Variants in PNLIPRP3 observed in about 807,000 individuals in gnomAD.
PNLIPRP3 encodes pancreatic lipase-related protein 3.
PNLIPRP3 carries 58 observed loss-of-function variants against 52.8 expected under a neutral mutation model. That is an observed-to-expected ratio of 1.10 (90% CI 0.89 to 1.37). PNLIPRP3 has a LOEUF of 1.37. Among genes scored for constraint, PNLIPRP3 ranks in the 40% most tolerant of loss-of-function variants. PNLIPRP3 has a pLI of 0.00. For synonymous variants in PNLIPRP3, 192 were observed against 185.0 expected (o/e 1.04, Z -0.31); for missense variants, 593 against 561.6 (o/e 1.06, Z -0.57).
At chr10:116,473,872 C>T (rs545737284) in intron 10 of PNLIPRP3, among the ~76,000 whole-genome samples, 6 of 138,736 alleles carry the variant, frequency 4.3e-5, no homozygotes, top group Non-Finnish European at 9.1e-5. Context: ...TTTATAGATT[C>T]AATGCTATCT....
intron 5 of PNLIPRP3, among the ~76,000 whole-genome samples, chr10:116,460,677 C>A (rs532355825): frequency 6.6e-6 from 1 of 151,994 alleles, no homozygotes; most frequent in South Asian, 2.1e-4. Flanking sequence ...TAATTCATAA[C>A]CTTATTGTAT....
intron 1 of PNLIPRP3, among the ~76,000 whole-genome samples, chr10:116,433,274 G>A (rs1845733552): frequency 6.6e-6 from 1 of 151,340 alleles, no homozygotes; most frequent in South Asian, 2.1e-4. Flanking sequence ...CAAAAATATA[G>A]ACAACAAATT....
intron 3 of PNLIPRP3, 106 bp from the exon 4 acceptor site, chr10:116,444,276 C>A: frequency 1.0e-6 from 1 of 969,652 alleles, no homozygotes. Flanking sequence ...AAAGTCTAAC[C>A]ATATCAACCT....
intron 2 of PNLIPRP3, chr10:116,440,078 T>C (rs759352386): frequency 4.3e-6 from 3 of 697,828 alleles, no homozygotes; most frequent in Non-Finnish European, 7.7e-6. Flanking sequence ...AGATCAACTT[T>C]TTTTTAAGTG....
At chr10:116,471,237 C>G (rs1023500324) in intron 9 of PNLIPRP3, among the ~76,000 whole-genome samples, 1 of 152,126 alleles carries the variant, frequency 6.6e-6, no homozygotes, top group Non-Finnish European at 1.5e-5. Flanking sequence ...CTGACAGATA[C>G]TATATTGATC....
Position 116,444,470 on chromosome 10 carries a change from G to C in PNLIPRP3, c.413G>C (p.Arg138Pro), listed in dbSNP as rs1254572802. The change falls in exon 4 of 12, where the codon CGT becomes CCT. Residue 138 changes from arginine to proline, a missense_variant. Transcript: ENST00000369230. ...TACATCCATGCTGTAAACAATCTCCGTGTTGTTGGTGCTGAGGTGGCTTAT... is the reference window on the plus strand; with the variant it reads ...TACATCCATGCTGTAAACAATCTCCCTGTTGTTGGTGCTGAGGTGGCTTAT... ...REYIHAVNNL[R>P]VVGAEVAYFI... The C allele has an allele frequency of 1.2e-6, 2 of 1,613,660 alleles. No individual in the cohort carries two copies. Among genetic ancestry groups the C allele is most frequent in the South Asian group, 1.1e-5 (1 of 91,042 alleles).
intron 9 of PNLIPRP3, among the ~76,000 whole-genome samples, chr10:116,470,620 C>T (rs1846354372): frequency 6.6e-6 from 1 of 151,838 alleles, no homozygotes. Flanking sequence ...TGCCATTCTC[C>T]TGCCTCAGCC....
At chr10:116,453,158 C>T (rs1315881632) in intron 4 of PNLIPRP3, among the ~76,000 whole-genome samples, 1 of 152,196 alleles carries the variant, frequency 6.6e-6, no homozygotes, top group Admixed American at 6.5e-5. Flanking sequence ...TATGTTGGAT[C>T]TTTAAGATTT....
Position 116,477,630 on chromosome 10 carries a change from C to T in PNLIPRP3, c.*477C>T, listed in dbSNP as rs561523214. On this transcript the variant is annotated 3_prime_UTR_variant, in exon 12 of 12. Transcript: ENST00000369230. ...TGCATGATATATAGTAGATTATAAC[C>T]TTGTGGGTTGATGTGTCTATCTAGT... is the stretch of plus-strand genomic sequence containing the variant. 6.6e-6 allele frequency: 1 copy of T among 152,400 alleles called. No individual in the cohort carries two copies. The highest frequency in any genetic ancestry group is 1.9e-4 in the East Asian group (1 of 5,174). The allele number at this position is 152,400 out of a possible 1,614,324, so 9.4% of individuals were successfully genotyped here.
At chr10:116,440,733 C>T (rs920677138) in intron 2 of PNLIPRP3, among the ~76,000 whole-genome samples, 3 of 152,222 alleles carry the variant, frequency 2.0e-5, no homozygotes, top group African/African-American at 2.4e-5. Context: ...TAAAACCAAC[C>T]GACTTCCCCC....
chr10:116,446,215 G>T (rs770995716), intron 4 of PNLIPRP3, among the ~76,000 whole-genome samples: 1 of 151,710 alleles, frequency 6.6e-6, no homozygotes, highest in African/African-American at 2.4e-5. Flanking sequence ...GTGTGTTGGC[G>T]GGCACCTGTA....
chr10:116,470,514 A>ATT (rs34751726), intron 9 of PNLIPRP3, among the ~76,000 whole-genome samples: 7,540 of 142,430 alleles, frequency 0.053, 267 homozygotes, highest in African/African-American at 0.082. Context: ...TATATATATA[A>ATT]TTTTTTTTTT....
rs2133136278 is a variant in PNLIPRP3, at chr10:116,455,741, C to A, written c.476C>A (p.Pro159His). The A allele has an allele frequency of 6.2e-7, 1 of 1,613,642 alleles. No individual in the cohort carries two copies. Among genetic ancestry groups the A allele is most frequent in the African/African-American group, 1.3e-5 (1 of 74,946 alleles). ...DVLMKKFEYS[P>H]SKVHLIGHSL... is the part of the protein sequence containing the mutation. The stretch of plus-strand genomic sequence containing the variant: ...TTTCAGAAAAAATTTGAATATTCCC[C>A]TTCTAAAGTGCACTTGATTGGCCAC... The change falls in exon 5 of 12, where the codon CCT becomes CAT. Residue 159 changes from proline to histidine, a missense_variant. Pro to His is a moderately conservative substitution (Grantham distance 77). Coordinates refer to ENST00000369230, the MANE Select transcript of PNLIPRP3 (RefSeq NM_001011709.3).
chr10:116,440,573 G>C (rs756716914), intron 2 of PNLIPRP3, among the ~76,000 whole-genome samples: 1 of 152,116 alleles, frequency 6.6e-6, no homozygotes, highest in East Asian at 1.9e-4. Context: ...ATATGAATTG[G>C]ACTCATTTAT....
chr10:116,448,751 C>A (rs751662715), intron 4 of PNLIPRP3, among the ~76,000 whole-genome samples: 1 of 151,786 alleles, frequency 6.6e-6, no homozygotes, highest in East Asian at 1.9e-4. Context: ...TGCGGTGGCC[C>A]ACACCTGTAA....
chr10:116,436,646 G>C lies in PNLIPRP3; in HGVS notation c.50-65G>C, dbSNP rs549231086. On this transcript the variant is annotated intron_variant, in intron 1 of 11. Coordinates refer to ENST00000369230, the MANE Select transcript of PNLIPRP3 (RefSeq NM_001011709.3). ...AAATTAAATTCTACTTTAACTCATA[G>C]TGAGAAACACAGCCTCTCTCTAAGC... 11 of 1,424,960 alleles carry C rather than the reference G, an allele frequency of 7.7e-6. No homozygotes were observed. The African/African-American group carries it at 1.4e-4, about 18-fold the overall frequency. The allele number at this position is 1,424,960 out of a possible 1,614,324, so 88.3% of individuals were successfully genotyped here. A position where few individuals can be genotyped will look rare whatever the true frequency, so the allele number is the denominator to read the frequency against.
chr10:116,449,070 G>A (rs557944294), intron 4 of PNLIPRP3, among the ~76,000 whole-genome samples: 3 of 151,554 alleles, frequency 2.0e-5, no homozygotes, highest in Admixed American at 6.6e-5. Context: ...ACATGCACCC[G>A]TAGTCCTAGA....
At chr10:116,455,066 A>G (rs1221945987) in intron 4 of PNLIPRP3, among the ~76,000 whole-genome samples, 1 of 152,220 alleles carries the variant, frequency 6.6e-6, no homozygotes, top group Non-Finnish European at 1.5e-5. Context: ...TATAAGAGAC[A>G]TTCTAACAGA....
At chr10:116,474,951 T>C (rs192163860) in intron 10 of PNLIPRP3, among the ~76,000 whole-genome samples, 2 of 152,242 alleles carry the variant, frequency 1.3e-5, no homozygotes, top group Admixed American at 1.3e-4. Context: ...CCCAAAGGAA[T>C]AGAAATTGTT....
Sources: gnomAD v4.1 joint callset for allele counts (sites outside exome capture counted in the v4.1 genomes callset) on GRCh38, gnomAD v4.1.1 for gene constraint, MANE v1.5 for transcripts, NCBI Gene and HGNC (gene_info 2026-07-23, HGNC 2026-07-21) for gene names.